LRP4: variants seen among roughly 807,000 people sequenced by gnomAD.
LRP4 encodes LDL receptor related protein 4, also known as low-density lipoprotein receptor-related protein 4.
LRP4 carries 95 observed loss-of-function variants against 220.3 expected under a neutral mutation model. The observed-to-expected ratio is 0.43, with a 90% confidence interval of 0.37 to 0.51. LRP4 has a LOEUF of 0.51. Among genes scored for constraint, LRP4 ranks in the 20% least tolerant of loss-of-function variants. LRP4 has a pLI of 0.00. For synonymous variants in LRP4, 903 were observed against 954.6 expected (o/e 0.95, Z 1.00); for missense variants, 1,925 against 2,567.0 (o/e 0.75, Z 5.40).
intron 1 of LRP4, among the ~76,000 whole-genome samples, chr11:46,912,012 G>A (rs760152867): frequency 2.6e-5 from 4 of 151,992 alleles, no homozygotes; most frequent in Non-Finnish European, 4.4e-5. Context: ...GTGCCACCAC[G>A]TCAGCTAATT....
At chr11:46,878,814 T>C (rs1403278517) in intron 22 of LRP4, 93 bp downstream of exon 22, 6 of 1,575,442 alleles carry the variant, frequency 3.8e-6, no homozygotes, top group Non-Finnish European at 5.2e-6. Flanking sequence ...TCATGGTTTC[T>C]CAGACCACAT....
At chr11:46,871,402 T>C (rs1318899510) in intron 31 of LRP4, 123 bp downstream of exon 31, 5 of 776,074 alleles carry the variant, frequency 6.4e-6, no homozygotes, top group Non-Finnish European at 1.1e-5. Flanking sequence ...ACAGGAAAAA[T>C]CCCTAAAATG....
chr11:46,866,671 C>A (rs1940709907), intron 34 of LRP4, among the ~76,000 whole-genome samples: 1 of 152,158 alleles, frequency 6.6e-6, no homozygotes. Context: ...GTAATGCCAG[C>A]ACTTTGGGAT....
At position 46,890,632 on chromosome 11, in the gene LRP4, G is replaced by C; in HGVS notation, c.1698-138C>G. The C allele has an allele frequency of 1.5e-6, 1 of 669,132 alleles. No homozygotes were observed. The highest frequency in any genetic ancestry group is 1.7e-5 in the South Asian group (1 of 58,052). 41.4% of individuals were successfully genotyped at this position (669,132 alleles called of 1,614,324 possible). Reference sequence around the variant, plus strand: ...GTCCACAGAATGAATTTTTTTTTTAGACGGGGTCTCATTTTGTCACCCAGG... The same window carrying C: ...GTCCACAGAATGAATTTTTTTTTTACACGGGGTCTCATTTTGTCACCCAGG... On this transcript the variant is annotated intron_variant, in intron 13 of 37. Coordinates refer to ENST00000378623, the MANE Select transcript of LRP4 (RefSeq NM_002334.4). The surrounding 1 kb of genome is among the most constrained non-coding windows in gnomAD (Gnocchi z 5.3).
intron 31 of LRP4, among the ~76,000 whole-genome samples, chr11:46,871,103 C>G (rs1167210062): frequency 3.3e-5 from 5 of 152,160 alleles, no homozygotes; most frequent in African/African-American, 1.2e-4. Context: ...TTTAGCCACT[C>G]CACCCTGTTG....
intron 12 of LRP4, 128 bp from the exon 13 acceptor site, chr11:46,893,257 A>G (rs1040612711): frequency 2.3e-6 from 2 of 854,872 alleles, no homozygotes; most frequent in East Asian, 2.6e-5. Context: ...CTTCAGATAC[A>G]TGAATTCATT....
intron 7 of LRP4, among the ~76,000 whole-genome samples, chr11:46,897,947 C>T (rs1477893166): frequency 6.6e-6 from 1 of 152,114 alleles, no homozygotes; most frequent in African/African-American, 2.4e-5. Context: ...CCAGTAGGGG[C>T]GGCCGGGCAG....
chr11:46,884,051 G>C (rs1941224931), intron 18 of LRP4, 75 bp from the exon 19 acceptor site: 2 of 1,154,656 alleles, frequency 1.7e-6, no homozygotes. Flanking sequence ...CAACACAAGA[G>C]CCTGGTATGC....
chr11:46,860,242 A>AAAAG (rs983248837), intron 37 of LRP4, among the ~76,000 whole-genome samples: 11 of 151,882 alleles, frequency 7.2e-5, no homozygotes, highest in Middle Eastern at 3.4e-3. Flanking sequence ...TAAAAAAAAA[A>AAAAG]AAAGAAAGAA....
At chr11:46,900,230 T>A (rs1180214804) in intron 3 of LRP4, 32 bp downstream of exon 3, 1 of 1,515,726 alleles carries the variant, frequency 6.6e-7, no homozygotes, top group South Asian at 1.1e-5. Context: ...TGGAACTCAA[T>A]GGAGTTCCGC....
At position 46,891,426 on chromosome 11, in the gene LRP4, TATACACACAC is replaced by T. The variant is rs1415737824; in HGVS notation, c.1698-942_1698-933del. Among the ~76,000 whole-genome samples the T allele has an allele frequency of 2.0e-4, 16 of 78,778 alleles. No individual in the cohort carries two copies. In the South Asian group the frequency reaches 5.8e-3, roughly 29 times the overall value. 51.7% of individuals were successfully genotyped at this position (78,778 alleles called of 152,430 possible). A position where few individuals can be genotyped will look rare whatever the true frequency, so the allele number is the denominator to read the frequency against. Reference sequence around the variant, plus strand: ...ACCATGCCCGGCTCCTTTTGTATTTTATACACACACACACACACACACACACACACACACA... The same window carrying T: ...ACCATGCCCGGCTCCTTTTGTATTTTACACACACACACACACACACACACA... On this transcript the variant is annotated intron_variant, in intron 13 of 37. Coordinates refer to ENST00000378623, the MANE Select transcript of LRP4 (RefSeq NM_002334.4).
chr11:46,892,008 G>A (rs1217831494), intron 13 of LRP4, among the ~76,000 whole-genome samples: 7 of 152,112 alleles, frequency 4.6e-5, no homozygotes, highest in Admixed American at 4.6e-4. Context: ...ACGGTTCCCT[G>A]CAACCTCGAC....
At chr11:46,862,815 A>C (rs1940594093) in intron 36 of LRP4, 68 bp from the exon 37 acceptor site, 2 of 1,448,718 alleles carry the variant, frequency 1.4e-6, no homozygotes, top group East Asian at 2.3e-5. Context: ...GAAAGCTGTA[A>C]ACTGAGTCTG....
At chr11:46,900,081 G>A in intron 3 of LRP4, 105 bp from the exon 4 acceptor site, 1 of 1,045,188 alleles carries the variant, frequency 9.6e-7, no homozygotes, top group African/African-American at 1.6e-5. Flanking sequence ...GTGCTGCCCT[G>A]AGGGCTCCGA....
intron 32 of LRP4, 34 bp downstream of exon 32, chr11:46,868,954 G>C: frequency 6.2e-7 from 1 of 1,614,034 alleles, no homozygotes; most frequent in Non-Finnish European, 8.5e-7. Flanking sequence ...TCCCACAGAT[G>C]TTAAGGAAGC....
Position 46,875,186 on chromosome 11 carries a change from C to G in LRP4, c.3926-83G>C. 7.1e-7 allele frequency: 1 copy of G among 1,418,118 alleles called. No homozygotes were observed. The highest frequency in any genetic ancestry group is 9.7e-7 in the Non-Finnish European group (1 of 1,030,048). The allele number at this position is 1,418,118 out of a possible 1,614,324, so 87.8% of individuals were successfully genotyped here. A position where few individuals can be genotyped will look rare whatever the true frequency, so the allele number is the denominator to read the frequency against. ...AAAGGTCCCAGTTGTTTGTGGCTGGCTCTTTGCTGTTCTAAGTGACAGGAT... is the reference window on the plus strand; with the variant it reads ...AAAGGTCCCAGTTGTTTGTGGCTGGGTCTTTGCTGTTCTAAGTGACAGGAT... On this transcript the variant is annotated intron_variant, in intron 27 of 37. Coordinates refer to ENST00000378623, the MANE Select transcript of LRP4 (RefSeq NM_002334.4). The surrounding 1 kb of genome is among the most constrained non-coding windows in gnomAD (Gnocchi z 4.5).
intron 31 of LRP4, among the ~76,000 whole-genome samples, chr11:46,870,474 G>A (rs1940832682): frequency 6.6e-6 from 1 of 151,934 alleles, no homozygotes; most frequent in Non-Finnish European, 1.5e-5. Flanking sequence ...GCCCAAGTTG[G>A]AGCACAGTGG....
intron 30 of LRP4, 41 bp from the exon 31 acceptor site, chr11:46,871,674 C>T (rs1275484922): frequency 1.5e-6 from 2 of 1,314,216 alleles, no homozygotes; most frequent in African/African-American, 1.5e-5. Context: ...CAAACGCTTG[C>T]CAGGGAGCCC....
chr11:46,880,605 GGAGT>G (rs942618940), intron 20 of LRP4, among the ~76,000 whole-genome samples: 5 of 151,762 alleles, frequency 3.3e-5, no homozygotes, highest in African/African-American at 4.8e-5. Flanking sequence ...CCTGGGCCAC[GGAGT>G]GAGTGTCTAA....
Sources: gnomAD v4.1 joint callset for allele counts (sites outside exome capture counted in the v4.1 genomes callset) on GRCh38, gnomAD v4.1.1 for gene constraint, Gnocchi (gnomAD v3.1) non-coding constraint, MANE v1.5 for transcripts, NCBI Gene and HGNC (gene_info 2026-07-23, HGNC 2026-07-21) for gene names.